The following SMG9 variants were observed in gnomAD, a reference collection of about 807,000 sequenced individuals.
SMG9 encodes the protein SMG9 nonsense mediated mRNA decay factor, also known as nonsense-mediated mRNA decay factor SMG9.
A neutral mutation model predicts 64.0 loss-of-function variants in SMG9; 55 were observed. The ratio of observed to expected loss-of-function variants is 0.86; its 90% CI spans 0.69 to 1.08. The LOEUF is 1.08. SMG9 is among the 50% of genes least tolerant of loss of function. The pLI is 0.00. For missense variants in SMG9, 554 were observed against 681.3 expected (o/e 0.81, Z 2.08); for synonymous variants, 244 against 254.8 (o/e 0.96, Z 0.41).
intron 1 of SMG9, among the ~76,000 whole-genome samples, chr19:43,752,999 C>T (rs897857599): frequency 6.6e-6 from 1 of 151,800 alleles, no homozygotes; most frequent in Non-Finnish European, 1.5e-5. Context: ...GAATCCTCCC[C>T]TGCCCCACCT....
intron 10 of SMG9, 160 bp downstream of exon 10, chr19:43,734,229 G>A: frequency 1.6e-6 from 1 of 617,236 alleles, no homozygotes; most frequent in Non-Finnish European, 2.9e-6. Context: ...CTTGGAAGGA[G>A]CAGCTAATCC....
At chr19:43,741,589 A>G (rs1173939046) in intron 6 of SMG9, among the ~76,000 whole-genome samples, 1 of 152,162 alleles carries the variant, frequency 6.6e-6, no homozygotes, top group African/African-American at 2.4e-5. Flanking sequence ...AGATAGGCTT[A>G]CAAGGCCCAG....
Position 43,734,487 on chromosome 19 carries a change from T to C in SMG9, c.1004A>G (p.Gln335Arg). Reference sequence around the variant, plus strand: ...GGAGGGCTTCACCATCTCTGCTGTCTGCAGGAACCTTGGGGTTTGGGGTGA... The same window carrying C: ...GGAGGGCTTCACCATCTCTGCTGTCCGCAGGAACCTTGGGGTTTGGGGTGA... ...FTDLSLYRFL[Q>R]TAEMVKPSTP... The change falls in exon 10 of 14, where the codon CAG (glutamine) becomes CGG (arginine). Residue 335 changes from glutamine to arginine, a missense_variant. By Grantham distance (43) the Gln-to-Arg change is conservative (BLOSUM62 1). Transcript: ENST00000270066. 1.9e-6 allele frequency: 3 copies of C among 1,556,710 alleles called. No homozygotes were observed. The highest frequency in any genetic ancestry group is 2.6e-6 in the Non-Finnish European group (3 of 1,149,596).
At position 43,740,132 on chromosome 19, in the gene SMG9, T is replaced by C. The variant is rs1458093909; in HGVS notation, c.788A>G (p.Glu263Gly). The stretch of plus-strand genomic sequence containing the variant: ...CTGTGTGTCCAGGAAAACAATCCGT[T>C]CTTGGGTAATAAAGAAGTCGATGCC... ...TSGIDFFITQ[E>G]RIVFLDTQPI... is the part of the protein sequence containing the mutation. The change falls in exon 7 of 14, where the codon GAA becomes GGA. Residue 263 changes from glutamate (E) to glycine (G), a missense_variant. Coordinates refer to ENST00000270066, the MANE Select transcript of SMG9 (RefSeq NM_019108.4). 1 of 1,613,776 alleles carries C rather than the reference T, an allele frequency of 6.2e-7. No individual in the cohort carries two copies. The highest frequency in any genetic ancestry group is 8.5e-7 in the Non-Finnish European group (1 of 1,179,862).
rs1968950221 is a variant in SMG9, at chr19:43,744,804, CAAT to C, written c.666_668del (p.Leu224del). On this transcript the variant is annotated inframe_deletion, in exon 6 of 14. Coordinates refer to ENST00000270066, the MANE Select transcript of SMG9 (RefSeq NM_019108.4). ...CCTCCTCTGGAGTGTTGGCTGACAA[CAAT>C]GACATGACCATGGACTTGCCTGTCC... 4 of 1,613,936 alleles carry C rather than the reference CAAT, an allele frequency of 2.5e-6. No individual in the cohort carries two copies. The highest frequency in any genetic ancestry group is 3.4e-6 in the Non-Finnish European group (4 of 1,179,894).
chr19:43,731,057 C>A lies in SMG9; in HGVS notation c.*539G>T, dbSNP rs1968466212. The A allele has an allele frequency of 2.1e-6, 2 of 936,156 alleles. No homozygotes were observed. The highest frequency in any genetic ancestry group is 9.9e-5 in the South Asian group (2 of 20,294). The allele number at this position is 936,156 out of a possible 1,614,324, so 58.0% of individuals were successfully genotyped here. A position where few individuals can be genotyped will look rare whatever the true frequency, so the allele number is the denominator to read the frequency against. ...CCTTCTAGGGACTTCTTAGCAGAGA[C>A]TGATCTCCATCTGCCCGCAAGGGCT... On this transcript the variant is annotated 3_prime_UTR_variant, in exon 14 of 14. Coordinates refer to ENST00000270066, the MANE Select transcript of SMG9 (RefSeq NM_019108.4).
chr19:43,753,933 A>C (rs1599664095), intron 1 of SMG9, among the ~76,000 whole-genome samples: 1 of 85,434 alleles, frequency 1.2e-5, no homozygotes, highest in South Asian at 3.0e-4. Flanking sequence ...AAAAAAAAAA[A>C]CCCCACCCAC....
chr19:43,752,912 A>AAAAAAAAAAAAAAAAAAAAAAAAAT (rs1969233248), intron 1 of SMG9, among the ~76,000 whole-genome samples: 1 of 151,138 alleles, frequency 6.6e-6, no homozygotes, highest in African/African-American at 2.4e-5. Flanking sequence ...TAAAAAAAAA[A>AAAAAAAAAAAAAAAAAAAAAAAAAT]AAAAGCAGAA....
rs1968804298 is a variant in SMG9 at position 43,740,173 on chromosome 19, C to T, written c.747G>A (p.Gly249=). Residue 249 remains glycine (G), a synonymous_variant, in exon 7 of 14, where the codon GGG becomes GGA. Transcript: ENST00000270066. ...AGTCGATGCCACTGGTCTGGTTGCC[C>T]CCTCGTTCCTTCATTTCAGCGCTCT... The part of the protein sequence containing the change: ...RAQSAEMKER[G]GNQTSGIDFF... The T allele has an allele frequency of 1.2e-6, 2 of 1,614,092 alleles. No individual in the cohort carries two copies. The highest frequency in any genetic ancestry group is 1.7e-6 in the Non-Finnish European group (2 of 1,180,012).
intron 10 of SMG9, 70 bp from the exon 11 acceptor site, chr19:43,733,803 C>T (rs547452780): frequency 1.1e-5 from 12 of 1,127,888 alleles, no homozygotes; most frequent in Non-Finnish European, 1.3e-5. Flanking sequence ...CTTTCTCACC[C>T]CAAAGACCTG....
chr19:43,740,336 CTTT>C, intron 6 of SMG9, 118 bp from the exon 7 acceptor site: 1 of 732,590 alleles, frequency 1.4e-6, no homozygotes, highest in Non-Finnish European at 2.4e-6. Flanking sequence ...GCTCCCTAAG[CTTT>C]TCATCTGTGG....
At chr19:43,746,567 G>GA (rs1319815856) in intron 5 of SMG9, among the ~76,000 whole-genome samples, 1 of 152,132 alleles carries the variant, frequency 6.6e-6, no homozygotes, top group African/African-American at 2.4e-5. Context: ...AAATGGACTT[G>GA]AGGCTGTGCT....
At chr19:43,734,254 C>T in intron 10 of SMG9, 135 bp downstream of exon 10, 2 of 677,700 alleles carry the variant, frequency 3.0e-6, no homozygotes, top group Admixed American at 2.7e-5. Flanking sequence ...TGACTTTGCT[C>T]CTCACAACTC....
chr19:43,750,206 A>C, intron 2 of SMG9: 1 of 527,444 alleles, frequency 1.9e-6, no homozygotes, highest in South Asian at 1.4e-5. Flanking sequence ...ACTTGACTTC[A>C]TCTCCTATCT....
At chr19:43,733,602 G>A (rs759553144) in intron 11 of SMG9, 24 bp downstream of exon 11, 48 of 1,609,060 alleles carry the variant, frequency 3.0e-5, no homozygotes, top group Non-Finnish European at 4.0e-5. Flanking sequence ...TGACTAGCTT[G>A]GGGGGTGATG....
In SMG9 at chr19:43,738,022, C is replaced by T. The variant is rs912619931; in HGVS notation, c.909+100G>A. The T allele has an allele frequency of 2.6e-6, 3 of 1,171,640 alleles. No individual in the cohort carries two copies. In the African/African-American group the frequency reaches 4.5e-5, roughly 18 times the overall value. 72.6% of individuals were successfully genotyped at this position (1,171,640 alleles called of 1,614,324 possible). The stretch of plus-strand genomic sequence containing the variant: ...TGGGGCAGCCAGGGCTCTTCTGAAG[C>T]AGAAACTAAGTGGACCACCCACACC... On this transcript the variant is annotated intron_variant, in intron 8 of 13. Transcript: ENST00000270066.
intron 13 of SMG9, chr19:43,732,434 T>C (rs760601402): frequency 1.1e-5 from 2 of 179,858 alleles, no homozygotes; most frequent in Non-Finnish European, 2.4e-5. Flanking sequence ...GAGACCCTGA[T>C]GGCTTCCTGG....
chr19:43,741,455 G>A (rs1968843912), intron 6 of SMG9, among the ~76,000 whole-genome samples: 1 of 152,350 alleles, frequency 6.6e-6, no homozygotes, highest in East Asian at 1.9e-4. Context: ...GCATGGTAAG[G>A]CTTTGGCCTA....
intron 7 of SMG9, among the ~76,000 whole-genome samples, chr19:43,739,276 C>T (rs966686676): frequency 3.9e-5 from 6 of 152,258 alleles, no homozygotes; most frequent in African/African-American, 1.2e-4. Flanking sequence ...GGGTATTTAG[C>T]ACCTAACTCC....
Sources: gnomAD v4.1 joint callset for allele counts (sites outside exome capture counted in the v4.1 genomes callset) on GRCh38, gnomAD v4.1.1 for gene constraint, MANE v1.5 for transcripts, NCBI Gene and HGNC (gene_info 2026-07-23, HGNC 2026-07-21) for gene names.